Variants in FAM83B observed in about 807,000 individuals in gnomAD.
FAM83B encodes the protein scaffolding CK1 anchoring protein B.
FAM83B carries 26 observed loss-of-function variants against 38.8 expected under a neutral mutation model. The ratio of observed to expected loss-of-function variants is 0.67; its 90% CI spans 0.49 to 0.93. The LOEUF is 0.93. Ranked by LOEUF, FAM83B falls within the 40% of genes least tolerant of loss-of-function variation. FAM83B has a pLI of 0.00. For missense variants in FAM83B, 1,237 were observed against 1,197.3 expected, an observed-to-expected ratio of 1.03 and a Z score of -0.49; for synonymous variants, 419 against 423.1, an observed-to-expected ratio of 0.99 and a Z score of 0.12.
chr6:54,869,571 G>A (rs1387661264), intron 1 of FAM83B, among the ~76,000 whole-genome samples: 1 of 151,814 alleles, frequency 6.6e-6, no homozygotes, highest in Non-Finnish European at 1.5e-5. Context: ...ATCCTTGTAT[G>A]GGATGGAAAT....
At chr6:54,937,389 T>C (rs1773546155) in intron 4 of FAM83B, among the ~76,000 whole-genome samples, 1 of 152,112 alleles carries the variant, frequency 6.6e-6, no homozygotes, top group Non-Finnish European at 1.5e-5. Context: ...GTATTTTATA[T>C]TAAAAGATCC....
intron 1 of FAM83B, among the ~76,000 whole-genome samples, chr6:54,854,511 A>G (rs568617773): frequency 6.6e-6 from 1 of 152,326 alleles, no homozygotes; most frequent in Admixed American, 6.5e-5. Context: ...TCCAATGGCA[A>G]AAAGATTACA....
chr6:54,934,191 G>A (rs9475075), intron 4 of FAM83B, among the ~76,000 whole-genome samples: 4,488 of 152,140 alleles, frequency 0.029, 226 homozygotes, highest in African/African-American at 0.1. Context: ...TTTATTTGTA[G>A]TTTGTGTCTG....
chr6:54,894,789 G>A (rs997082199), intron 2 of FAM83B, among the ~76,000 whole-genome samples: 20 of 152,044 alleles, frequency 1.3e-4, no homozygotes, highest in African/African-American at 4.8e-4. Context: ...TTAGAAGCAG[G>A]GACAAATCTG....
At position 54,940,441 on chromosome 6, in the gene FAM83B, A is replaced by G. The variant is rs1167808823; in HGVS notation, c.1470A>G (p.Ser490=). ...RMPTLEHTTK[S]FLRNWRIESY... ...CAACCCTTGAACATACCACAAAGTC[A>G]TTCCTACGTAACTGGAGAATTGAAT... The change falls in exon 5 of 5, where the codon TCA becomes TCG. Residue 490 remains serine, a synonymous_variant. Coordinates refer to ENST00000306858, the MANE Select transcript of FAM83B (RefSeq NM_001010872.3). The G allele has an allele frequency of 6.2e-7, 1 of 1,614,086 alleles. No individual in the cohort carries two copies. The highest frequency in any genetic ancestry group is 2.2e-5 in the East Asian group (1 of 44,874).
At position 54,927,559 on chromosome 6, in the gene FAM83B, G is replaced by A. The variant is rs774273286; in HGVS notation, c.661G>A (p.Ala221Thr). 4 of 1,608,178 alleles carry A rather than the reference G, an allele frequency of 2.5e-6. No individual in the cohort carries two copies. The highest frequency in any genetic ancestry group is 2.2e-5 in the East Asian group (1 of 44,644). ...CCAAGATTATCTTTCAAAAACAGGG[G>A]CAAAATTCCATGGAAAAATGGAACA... ...KGQDYLSKTG[A>T]KFHGKMEQKF... Residue 221 changes from alanine to threonine, a missense_variant, in exon 4 of 5, where the codon GCA becomes ACA. By Grantham distance (58) the Ala-to-Thr change is moderately conservative. Transcript: ENST00000306858.
chr6:54,886,370 T>C (rs766179093), intron 2 of FAM83B, among the ~76,000 whole-genome samples: 3 of 152,134 alleles, frequency 2.0e-5, no homozygotes, highest in African/African-American at 4.8e-5. Flanking sequence ...ACCTTGAATA[T>C]TAGGAAAGAT....
chr6:54,922,985 G>T (rs930555401), intron 2 of FAM83B, among the ~76,000 whole-genome samples: 1 of 151,792 alleles, frequency 6.6e-6, no homozygotes, highest in African/African-American at 2.4e-5. Context: ...TCTAGTATCT[G>T]CTAGTAAAAA....
intron 2 of FAM83B, among the ~76,000 whole-genome samples, chr6:54,915,437 T>G (rs1000327309): frequency 6.6e-6 from 1 of 152,164 alleles, no homozygotes; most frequent in East Asian, 1.9e-4. Context: ...CTTTTATTCC[T>G]GCTTTCGCCA....
intron 1 of FAM83B, among the ~76,000 whole-genome samples, chr6:54,853,612 T>G (rs994847189): frequency 1.3e-5 from 2 of 152,198 alleles, no homozygotes; most frequent in Non-Finnish European, 2.9e-5. Context: ...TACTGACTTT[T>G]TAAGCCTACT....
At chr6:54,890,083 C>T (rs1458203841) in intron 2 of FAM83B, among the ~76,000 whole-genome samples, 1 of 152,004 alleles carries the variant, frequency 6.6e-6, no homozygotes, top group Non-Finnish European at 1.5e-5. Context: ...TTTATTGCAT[C>T]ATATTCTTTA....
At chr6:54,847,367 G>GT (rs1488792524) in intron 1 of FAM83B, among the ~76,000 whole-genome samples, 1 of 152,104 alleles carries the variant, frequency 6.6e-6, no homozygotes, top group African/African-American at 2.4e-5. Flanking sequence ...TGAAAAGACA[G>GT]TTTTTTCACA....
chr6:54,866,341 A>G (rs948028557), intron 1 of FAM83B, among the ~76,000 whole-genome samples: 20 of 152,076 alleles, frequency 1.3e-4, no homozygotes, highest in Non-Finnish European at 2.2e-4. Context: ...TCCTTTACCC[A>G]GTTTTCCCCA....
chr6:54,864,631 T>C (rs1771659549), intron 1 of FAM83B, among the ~76,000 whole-genome samples: 1 of 152,220 alleles, frequency 6.6e-6, no homozygotes, highest in Non-Finnish European at 1.5e-5. Context: ...TTGAATATTA[T>C]AGTCAATTTT....
intron 1 of FAM83B, among the ~76,000 whole-genome samples, chr6:54,858,216 T>C (rs1201020531): frequency 6.6e-6 from 1 of 152,184 alleles, no homozygotes; most frequent in Non-Finnish European, 1.5e-5. Flanking sequence ...TTCTTAGTCT[T>C]CTGCATATCT....
intron 2 of FAM83B, among the ~76,000 whole-genome samples, chr6:54,874,142 C>A (rs1771931754): frequency 6.6e-6 from 1 of 151,988 alleles, no homozygotes; most frequent in African/African-American, 2.4e-5. Flanking sequence ...AGCTCTTGAT[C>A]ATTTTGCTTT....
At chr6:54,849,551 G>C (rs948899995) in intron 1 of FAM83B, among the ~76,000 whole-genome samples, 6 of 151,978 alleles carry the variant, frequency 3.9e-5, no homozygotes, top group Admixed American at 1.3e-4. Context: ...ATGTTTTCAG[G>C]GGCTGTGATG....
At chr6:54,864,458 G>A (rs942044872) in intron 1 of FAM83B, among the ~76,000 whole-genome samples, 28 of 152,112 alleles carry the variant, frequency 1.8e-4, no homozygotes, top group African/African-American at 6.8e-4. Flanking sequence ...GACTGAGTGC[G>A]TCATGTATTT....
chr6:54,940,152 C>T lies in FAM83B; in HGVS notation c.1181C>T (p.Pro394Leu). ...WKRHSYAGEQ[P>L]ETVPYLLLNR... Reference sequence around the variant, plus strand: ...AGGCATAGTTATGCTGGGGAACAGCCAGAAACAGTGCCATACCTCCTGCTT... The same window carrying T: ...AGGCATAGTTATGCTGGGGAACAGCTAGAAACAGTGCCATACCTCCTGCTT... Residue 394 changes from proline (P) to leucine (L), a missense_variant, in exon 5 of 5, where the codon CCA (proline) becomes CTA (leucine). Coordinates refer to ENST00000306858, the MANE Select transcript of FAM83B (RefSeq NM_001010872.3). 6.2e-7 allele frequency: 1 copy of T among 1,613,922 alleles called. No homozygotes were observed. Among genetic ancestry groups the T allele is most frequent in the Non-Finnish European group, 8.5e-7 (1 of 1,179,988 alleles).
Sources: allele counts gnomAD v4.1 joint callset (sites outside exome capture counted in the v4.1 genomes callset), GRCh38; gene constraint gnomAD v4.1.1; transcripts MANE v1.5; gene names NCBI Gene and HGNC (gene_info 2026-07-23, HGNC 2026-07-21).